LPP: variants seen among roughly 807,000 people sequenced by gnomAD.
The protein encoded by LPP is LIM domain containing preferred translocation partner in lipoma.
A neutral mutation model predicts 60.4 loss-of-function variants in LPP; 38 were observed. The ratio of observed to expected loss-of-function variants is 0.63; its 90% confidence interval spans 0.49 to 0.83. LPP has a LOEUF of 0.83. Ranked by LOEUF, LPP falls within the 40% of genes least tolerant of loss-of-function variation. The pLI, the probability that LPP is intolerant of heterozygous loss-of-function variation, is 0.00. For synonymous variants in LPP, 328 were observed against 290.8 expected (o/e 1.13, Z -1.30); for missense variants, 902 against 783.6 (o/e 1.15, Z -1.80).
At chr3:188,694,406 A>G (rs2149503590) in intron 7 of LPP, among the ~76,000 whole-genome samples, 1 of 152,336 alleles carries the variant, frequency 6.6e-6, no homozygotes, top group South Asian at 2.1e-4. Flanking sequence ...TGAAGACATT[A>G]AAAATGACCA....
At position 188,592,551 on chromosome 3, in the gene LPP, G is replaced by GTTTTTTTTTTTTTTTTT. The variant is rs1553936326; in HGVS notation, c.430-16605_430-16604insTTTTTTTTTTTTTTTTT. Among the ~76,000 whole-genome samples, 152 of 98,148 alleles carry GTTTTTTTTTTTTTTTTT rather than the reference G, an allele frequency of 1.5e-3. 2 individuals are homozygous for GTTTTTTTTTTTTTTTTT. Among genetic ancestry groups the GTTTTTTTTTTTTTTTTT allele is most frequent in the Middle Eastern group, 6.8e-3 (1 of 146 alleles). The allele number at this position is 98,148 out of a possible 152,430, so 64.4% of individuals were successfully genotyped here. A position where few individuals can be genotyped will look rare whatever the true frequency, so the allele number is the denominator to read the frequency against. Reference sequence around the variant, plus strand: ...AATGAGTATCACTGTTTTTAGTTTTGTTTTTGTTTTTTAAATGGAGTCTCA... The same window carrying GTTTTTTTTTTTTTTTTT: ...AATGAGTATCACTGTTTTTAGTTTTGTTTTTTTTTTTTTTTTTTTTTTGTTTTTTAAATGGAGTCTCA... On this transcript the variant is annotated intron_variant, in intron 6 of 11. Coordinates refer to ENST00000617246, the MANE Select transcript of LPP (RefSeq NM_001375462.1).
At chr3:188,717,795 T>G (rs1262148851) in intron 8 of LPP, among the ~76,000 whole-genome samples, 2 of 152,216 alleles carry the variant, frequency 1.3e-5, no homozygotes, top group Non-Finnish European at 2.9e-5. Flanking sequence ...CATTAATTTT[T>G]TATTAATTTG....
chr3:188,609,747 A>G lies in LPP; in HGVS notation c.1016A>G (p.Asn339Ser). Residue 339 changes from asparagine (N) to serine (S), a missense_variant, in exon 7 of 12, where the codon AAC becomes AGC. Coordinates refer to ENST00000617246, the MANE Select transcript of LPP (RefSeq NM_001375462.1). The surrounding 1 kb of genome is among the most constrained non-coding windows in gnomAD (Gnocchi z 6.9). ...EPGYTPPGAG[N>S]QNPPGMYPVT... ...GGGTACACTCCTCCTGGAGCAGGGA[A>G]CCAGAACCCTCCTGGGATGTATCCA... 11 of 1,614,080 alleles carry G rather than the reference A, an allele frequency of 6.8e-6. No homozygotes were observed. Among genetic ancestry groups the G allele is most frequent in the Non-Finnish European group, 9.3e-6 (11 of 1,180,000 alleles).
chr3:188,490,615 C>T (rs762815639), intron 5 of LPP, among the ~76,000 whole-genome samples: 1 of 152,026 alleles, frequency 6.6e-6, no homozygotes, highest in African/African-American at 2.4e-5. Context: ...CCGCCCACCT[C>T]GGCCCCACGA....
At chr3:188,167,277 C>T (rs1040013271) in intron 1 of LPP, among the ~76,000 whole-genome samples, 5 of 152,280 alleles carry the variant, frequency 3.3e-5, no homozygotes, top group Admixed American at 3.3e-4. Context: ...GCGGGCAGGT[C>T]ACCTGAGGTC....
chr3:188,717,028 T>C (rs767643240), intron 8 of LPP, among the ~76,000 whole-genome samples: 30 of 152,190 alleles, frequency 2.0e-4, no homozygotes, highest in Non-Finnish European at 3.8e-4. Flanking sequence ...TCCTACAAAA[T>C]AGACAGTGTG....
At chr3:188,498,842 C>T (rs374176469) in intron 5 of LPP, among the ~76,000 whole-genome samples, 2 of 152,114 alleles carry the variant, frequency 1.3e-5, no homozygotes, top group Admixed American at 6.5e-5. Context: ...AATAGCCATC[C>T]TAATGGGTGC....
chr3:188,294,031 C>G (rs1746961266), intron 2 of LPP, among the ~76,000 whole-genome samples: 1 of 130,482 alleles, frequency 7.7e-6, no homozygotes, highest in Admixed American at 8.7e-5. Context: ...TGCCCTCCAG[C>G]CTGGGTGACA....
intron 9 of LPP, among the ~76,000 whole-genome samples, chr3:188,834,239 T>C (rs1757779336): frequency 6.6e-6 from 1 of 151,994 alleles, no homozygotes; most frequent in Non-Finnish European, 1.5e-5. Flanking sequence ...CATATAGAAA[T>C]GTGCTATTGG....
At chr3:188,192,770 A>G (rs1039082746) in intron 1 of LPP, among the ~76,000 whole-genome samples, 1 of 152,180 alleles carries the variant, frequency 6.6e-6, no homozygotes, top group Non-Finnish European at 1.5e-5. Context: ...CATGAGAAAC[A>G]GGGCCCTTTT....
In LPP at chr3:188,293,941, C is replaced by T. The variant is rs112471684; in HGVS notation, c.-66-47722C>T. ...ATCAGTTGGGCGTAGTAGTGTGTGCCTGTAATCCCAGCTACTCAGGATGGT... is the reference window on the plus strand; with the variant it reads ...ATCAGTTGGGCGTAGTAGTGTGTGCTTGTAATCCCAGCTACTCAGGATGGT... On this transcript the variant is annotated intron_variant, in intron 2 of 11. Coordinates refer to ENST00000617246, the MANE Select transcript of LPP (RefSeq NM_001375462.1). Among the ~76,000 whole-genome samples the T allele has an allele frequency of 6.4e-3, 969 of 151,208 alleles. 14 individuals are homozygous for T. Among genetic ancestry groups the T allele is most frequent in the African/African-American group, 0.02 (811 of 41,226 alleles).
rs536688709 is a variant in LPP at position 188,847,086 on chromosome 3, C to T, written c.1411-19114C>T. On this transcript the variant is annotated intron_variant, in intron 9 of 11. Coordinates refer to ENST00000617246, the MANE Select transcript of LPP (RefSeq NM_001375462.1). ...AATTTTACATAAAAATCTAGATTTT[C>T]GAGCTTCTATTAAGAAGTAGAGTGC... Among the ~76,000 whole-genome samples, 11 of 152,272 alleles carry T rather than the reference C, an allele frequency of 7.2e-5. No individual in the cohort carries two copies. The East Asian group carries it at 1.2e-3, about 16-fold the overall frequency.
In LPP at chr3:188,881,473, G is replaced by A. The variant is rs554638910; in HGVS notation, c.*6994G>A. The A allele has an allele frequency of 4.7e-6, 1 of 210,736 alleles. No homozygotes were observed. Among genetic ancestry groups the A allele is most frequent in the African/African-American group, 2.3e-5 (1 of 44,300 alleles). The allele number at this position is 210,736 out of a possible 1,614,324, so 13.1% of individuals were successfully genotyped here. ...AGTGAAACTTGGCAGTTCACCATGAGTCAGGCTAGGTTGAAAGGCTTTCTT... is the reference window on the plus strand; with the variant it reads ...AGTGAAACTTGGCAGTTCACCATGAATCAGGCTAGGTTGAAAGGCTTTCTT... On this transcript the variant is annotated 3_prime_UTR_variant, in exon 12 of 12. Transcript: ENST00000617246.
chr3:188,281,434 T>A (rs911594923), intron 2 of LPP, among the ~76,000 whole-genome samples: 2 of 151,752 alleles, frequency 1.3e-5, no homozygotes, highest in Non-Finnish European at 2.9e-5. Flanking sequence ...AAACCCCGTC[T>A]CTACTAAAAA....
At chr3:188,559,015 A>G (rs1009946238) in intron 6 of LPP, among the ~76,000 whole-genome samples, 3 of 152,072 alleles carry the variant, frequency 2.0e-5, no homozygotes, top group African/African-American at 4.8e-5. Context: ...AATGAAATGC[A>G]TGGGTTCTAA....
At chr3:188,323,544 A>G (rs1320342767) in intron 2 of LPP, among the ~76,000 whole-genome samples, 2 of 152,216 alleles carry the variant, frequency 1.3e-5, no homozygotes, top group African/African-American at 4.8e-5. Context: ...GCCATGGAAA[A>G]GCACTAGAGT....
chr3:188,579,971 A>G (rs1835689216), intron 6 of LPP, among the ~76,000 whole-genome samples: 2 of 151,998 alleles, frequency 1.3e-5, no homozygotes, highest in African/African-American at 4.8e-5. Context: ...ACTGCACTCC[A>G]GCCTGAGCGA....
intron 8 of LPP, among the ~76,000 whole-genome samples, chr3:188,734,213 T>C (rs1351471189): frequency 6.6e-6 from 1 of 152,232 alleles, no homozygotes; most frequent in Non-Finnish European, 1.5e-5. Context: ...CATTTGGATA[T>C]CTTTTAAAAT....
intron 6 of LPP, among the ~76,000 whole-genome samples, chr3:188,544,334 A>C (rs187201351): frequency 5.1e-4 from 78 of 152,328 alleles, no homozygotes; most frequent in African/African-American, 1.8e-3. Context: ...AAGTAAAGGA[A>C]GCTTGATATA....
Sources: gnomAD v4.1 joint callset for allele counts (sites outside exome capture counted in the v4.1 genomes callset) on GRCh38, gnomAD v4.1.1 for gene constraint, Gnocchi (gnomAD v3.1) non-coding constraint, MANE v1.5 for transcripts, NCBI Gene and HGNC (gene_info 2026-07-23, HGNC 2026-07-21) for gene names.